Variants in STN1 observed in about 807,000 individuals in gnomAD.
The protein encoded by STN1 is CST complex subunit STN1.
A neutral mutation model predicts 45.5 loss-of-function variants in STN1; 29 were observed. The observed-to-expected ratio is 0.64, with a 90% confidence interval of 0.47 to 0.87. The LOEUF (loss-of-function observed/expected upper bound fraction) is 0.87, where lower values mean the gene tolerates loss of function less well. STN1 is among the 40% of genes least tolerant of loss of function. The pLI is 0.00. For missense variants in STN1, 376 were observed against 441.4 expected (o/e 0.85, Z 1.33); for synonymous variants, 148 against 159.0 (o/e 0.93, Z 0.52).
At chr10:103,900,038 T>G (rs766369046) in intron 5 of STN1, 24 bp downstream of exon 5, 1 of 1,606,370 alleles carries the variant, frequency 6.2e-7, no homozygotes, top group African/African-American at 1.3e-5. Context: ...AACCACCAAT[T>G]TGGTAGAAAT....
chr10:103,888,930 G>A (rs1843120462), intron 9 of STN1, 142 bp downstream of exon 9: 1 of 622,200 alleles, frequency 1.6e-6, no homozygotes. Context: ...GAGGCTCAGG[G>A]AGGGCAGGTA....
intron 7 of STN1, among the ~76,000 whole-genome samples, chr10:103,896,820 G>A (rs1238033519): frequency 6.6e-6 from 1 of 151,986 alleles, no homozygotes; most frequent in East Asian, 1.9e-4. Flanking sequence ...ACAGGCGTGA[G>A]CCACTGCGCC....
chr10:103,902,995 T>G (rs113064983), intron 4 of STN1, among the ~76,000 whole-genome samples: 33 of 152,314 alleles, frequency 2.2e-4, no homozygotes, highest in Middle Eastern at 3.4e-3. Context: ...TCTAAAAAAT[T>G]ACGAAGTATA....
At chr10:103,891,132 A>C (rs983331326) in intron 8 of STN1, among the ~76,000 whole-genome samples, 1 of 152,230 alleles carries the variant, frequency 6.6e-6, no homozygotes, top group Non-Finnish European at 1.5e-5. Flanking sequence ...TTCTTTTAAG[A>C]GTCAATCTTA....
At position 103,882,627 on chromosome 10, in the gene STN1, C is replaced by T; in HGVS notation, c.*57G>A. ...CCCTGCATGATGCTGAAAGTCAGAG[C>T]CTGGGGGTGAATGCCACCTTATCTT... On this transcript the variant is annotated 3_prime_UTR_variant, in exon 10 of 10. Coordinates refer to ENST00000224950, the MANE Select transcript of STN1 (RefSeq NM_024928.5). 8 of 1,541,010 alleles carry T rather than the reference C, an allele frequency of 5.2e-6. No individual in the cohort carries two copies. Among genetic ancestry groups the T allele is most frequent in the Non-Finnish European group, 6.2e-6 (7 of 1,137,952 alleles).
intron 2 of STN1, among the ~76,000 whole-genome samples, chr10:103,914,723 C>T (rs755225196): frequency 1.8e-4 from 28 of 152,020 alleles, no homozygotes; most frequent in Non-Finnish European, 3.5e-4. Flanking sequence ...AATCTAAATA[C>T]CACCACAATC....
chr10:103,915,014 G>A (rs373635185), intron 2 of STN1, among the ~76,000 whole-genome samples: 7 of 152,266 alleles, frequency 4.6e-5, no homozygotes, highest in South Asian at 4.1e-4. Flanking sequence ...TGACTCACAG[G>A]ACTCAGGAAG....
intron 9 of STN1, 73 bp from the exon 10 acceptor site, chr10:103,882,914 T>C (rs980356420): frequency 7.0e-7 from 1 of 1,429,504 alleles, no homozygotes; most frequent in Non-Finnish European, 9.5e-7. Context: ...CATACCTGAC[T>C]TGGCATCTGC....
At chr10:103,888,432 G>A (rs961450228) in intron 9 of STN1, among the ~76,000 whole-genome samples, 2 of 148,740 alleles carry the variant, frequency 1.3e-5, no homozygotes, top group African/African-American at 4.9e-5. Context: ...TCTCTAACTA[G>A]TGTGGAAATG....
At chr10:103,917,393 A>G in intron 2 of STN1, 69 bp downstream of exon 2, 1 of 1,512,342 alleles carries the variant, frequency 6.6e-7, no homozygotes. Flanking sequence ...CTCTAATCCC[A>G]GCTTTCTGAG....
At position 103,917,743 on chromosome 10, in the gene STN1, A is replaced by G. The variant is rs1843343946; in HGVS notation, c.-62-87T>C. Reference sequence around the variant, plus strand: ...TGACGCTGCTCCCAGGTGGGCGTCCAGGACTCCAGGAGGGGTGAACGCAGG... The same window carrying G: ...TGACGCTGCTCCCAGGTGGGCGTCCGGGACTCCAGGAGGGGTGAACGCAGG... On this transcript the variant is annotated intron_variant, in intron 1 of 9. Coordinates refer to ENST00000224950, the MANE Select transcript of STN1 (RefSeq NM_024928.5). The G allele has an allele frequency of 1.3e-5, 10 of 777,000 alleles. No homozygotes were observed. The East Asian group carries it at 2.7e-4, about 21-fold the overall frequency. 48.1% of individuals were successfully genotyped at this position (777,000 alleles called of 1,614,324 possible). A position where few individuals can be genotyped will look rare whatever the true frequency, so the allele number is the denominator to read the frequency against.
chr10:103,899,696 AAAAAAATAAAG>A (rs1195479749), intron 5 of STN1, among the ~76,000 whole-genome samples: 3 of 152,048 alleles, frequency 2.0e-5, no homozygotes, highest in Admixed American at 6.5e-5. Flanking sequence ...CAAAAAAAGA[AAAAAAATAAAG>A]AAAAAATAAA....
intron 8 of STN1, among the ~76,000 whole-genome samples, chr10:103,889,695 CTTTTTTT>C (rs58738841): frequency 3.2e-4 from 39 of 122,126 alleles, no homozygotes; most frequent in African/African-American, 9.1e-4. Flanking sequence ...TTTCTTTTTC[CTTTTTTT>C]TTTTTTTTTT....
intron 4 of STN1, among the ~76,000 whole-genome samples, chr10:103,900,668 C>A (rs1843202794): frequency 6.6e-6 from 1 of 151,856 alleles, no homozygotes; most frequent in South Asian, 2.1e-4. Context: ...CCTCTCATCT[C>A]TGTTGGGAAA....
chr10:103,909,438 A>G (rs1182046233), intron 3 of STN1, among the ~76,000 whole-genome samples: 7 of 77,924 alleles, frequency 9.0e-5, no homozygotes, highest in African/African-American at 3.0e-4. Flanking sequence ...ATATATGTAT[A>G]TATATGTATA....
intron 3 of STN1, 81 bp from the exon 4 acceptor site, chr10:103,905,237 A>G (rs977491617): frequency 7.3e-6 from 9 of 1,231,736 alleles, no homozygotes; most frequent in Non-Finnish European, 1.1e-5. Flanking sequence ...ATTCAGCCAT[A>G]CTGAAAGATG....
chr10:103,885,890 C>T lies in STN1; in HGVS notation c.950-3049G>A, dbSNP rs534367159. On this transcript the variant is annotated intron_variant, in intron 9 of 9. Coordinates refer to ENST00000224950, the MANE Select transcript of STN1 (RefSeq NM_024928.5). Reference sequence around the variant, plus strand: ...GGATCACTATGAGCGGTGATAACTGCGCCTTATATTTTCCCAAGAACTTTC... The same window carrying T: ...GGATCACTATGAGCGGTGATAACTGTGCCTTATATTTTCCCAAGAACTTTC... 2.7e-3 allele frequency among the ~76,000 whole-genome samples: 404 copies of T among 152,216 alleles called. 1 individual carries two copies. Among genetic ancestry groups the T allele is most frequent in the Non-Finnish European group, 4.2e-3 (286 of 68,016 alleles).
intron 8 of STN1, 140 bp downstream of exon 8, chr10:103,891,990 A>C: frequency 1.5e-6 from 1 of 668,728 alleles, no homozygotes; most frequent in Non-Finnish European, 2.4e-6. Flanking sequence ...ACCTCGGGGA[A>C]GGATAAGGGC....
intron 4 of STN1, among the ~76,000 whole-genome samples, chr10:103,900,457 C>G (rs553127935): frequency 1.3e-5 from 2 of 152,164 alleles, no homozygotes; most frequent in Non-Finnish European, 1.5e-5. Context: ...AGACTGAGGT[C>G]CAGCGGGCAA....
Sources: gnomAD v4.1 joint callset for allele counts (sites outside exome capture counted in the v4.1 genomes callset) on GRCh38, gnomAD v4.1.1 for gene constraint, MANE v1.5 for transcripts, NCBI Gene and HGNC (gene_info 2026-07-23, HGNC 2026-07-21) for gene names.